Variants in EDIL3 observed in about 807,000 individuals in gnomAD.
The protein encoded by EDIL3 is EGF like and discoidin domains 3, also known as EGF-like repeat and discoidin I-like domain-containing protein 3.
EDIL3 carries 37 observed loss-of-function variants against 67.4 expected under a neutral mutation model. The ratio of observed to expected loss-of-function variants is 0.55; its 90% confidence interval spans 0.42 to 0.72. EDIL3 has a LOEUF of 0.72. Among genes scored for constraint, EDIL3 ranks in the 30% least tolerant of loss-of-function variants. EDIL3 has a pLI of 0.00. For missense variants in EDIL3, 527 were observed against 586.3 expected, an observed-to-expected ratio of 0.90 and a Z score of 1.04; for synonymous variants, 195 against 196.3, an observed-to-expected ratio of 0.99 and a Z score of 0.05.
chr5:84,006,390 T>A (rs865923571), intron 9 of EDIL3, among the ~76,000 whole-genome samples: 1 of 117,498 alleles, frequency 8.5e-6, no homozygotes, highest in Non-Finnish European at 2.1e-5. Context: ...AAACAAAACA[T>A]AACAGAATCA....
chr5:84,097,599 G>A (rs1404271036), intron 6 of EDIL3, among the ~76,000 whole-genome samples: 2 of 152,096 alleles, frequency 1.3e-5, no homozygotes, highest in Non-Finnish European at 2.9e-5. Flanking sequence ...CATCCTGAAA[G>A]TAGGTGTTAT....
At chr5:84,018,398 C>A (rs766416499) in intron 9 of EDIL3, among the ~76,000 whole-genome samples, 7 of 152,142 alleles carry the variant, frequency 4.6e-5, no homozygotes, top group Non-Finnish European at 1.0e-4. Flanking sequence ...CAGATTCACT[C>A]CTTTCACGAC....
At chr5:84,074,193 T>G (rs1184185581) in intron 6 of EDIL3, among the ~76,000 whole-genome samples, 1 of 147,806 alleles carries the variant, frequency 6.8e-6, no homozygotes, top group Non-Finnish European at 1.5e-5. Flanking sequence ...ATACAAAAAT[T>G]AATTCAAGAC....
At chr5:84,111,538 G>A (rs1218046790) in intron 5 of EDIL3, among the ~76,000 whole-genome samples, 1 of 152,168 alleles carries the variant, frequency 6.6e-6, no homozygotes, top group East Asian at 1.9e-4. Context: ...ACTTTTCTAG[G>A]TAGTAGTGAC....
At chr5:83,946,088 T>A (rs1210907597) in intron 10 of EDIL3, among the ~76,000 whole-genome samples, 1 of 151,968 alleles carries the variant, frequency 6.6e-6, no homozygotes, top group Non-Finnish European at 1.5e-5. Flanking sequence ...TATTTTTAGT[T>A]AACTTCATAA....
intron 1 of EDIL3, among the ~76,000 whole-genome samples, chr5:84,284,432 G>A (rs967356283): frequency 1.3e-5 from 2 of 151,894 alleles, no homozygotes; most frequent in Non-Finnish European, 2.9e-5. Context: ...GGTCCCCTGT[G>A]CCTCCAGACC....
intron 1 of EDIL3, among the ~76,000 whole-genome samples, chr5:84,269,108 T>A (rs183292572): frequency 2.9e-4 from 44 of 152,320 alleles, no homozygotes; most frequent in Admixed American, 1.3e-3. Context: ...AAAATTTATA[T>A]ATGATCTCTT....
rs78529501 is a variant in EDIL3 at position 84,064,704 on chromosome 5, C to A, written c.948G>T (p.Leu316=). ...AATAGTTAATTTGAGACTTACCCGA[C>A]AGTTCACAGCCAAGAAGTTCCATTC... ...TLRMELLGCE[L]SGCSEPLGMK... is the part of the protein sequence containing the mutation. The change falls in exon 8 of 11, where the codon CTG becomes CTT. Residue 316 remains leucine (L), a synonymous_variant. Transcript: ENST00000296591. 3.6e-5 allele frequency: 58 copies of A among 1,611,076 alleles called. No homozygotes were observed. The highest frequency in any genetic ancestry group is 4.6e-5 in the Non-Finnish European group (54 of 1,178,444).
rs186849607 is a variant in EDIL3 at position 84,152,482 on chromosome 5, C to T, written c.356-15128G>A. 1.6e-4 allele frequency among the ~76,000 whole-genome samples: 24 copies of T among 152,226 alleles called. No homozygotes were observed. The East Asian group carries it at 4.4e-3, about 28-fold the overall frequency. ...CCTATTCTGTCAGAGAGGAATGGGT[C>T]TTATTAGAAACTGCATTGCTCTGTT... On this transcript the variant is annotated intron_variant, in intron 4 of 10. Transcript: ENST00000296591.
chr5:83,971,265 A>C (rs796925340), intron 9 of EDIL3, among the ~76,000 whole-genome samples: 4 of 151,346 alleles, frequency 2.6e-5, no homozygotes, highest in African/African-American at 9.7e-5. Flanking sequence ...TAAAGAAAAA[A>C]ATATCCTTTT....
chr5:84,055,895 A>G (rs1010235961), intron 9 of EDIL3, among the ~76,000 whole-genome samples: 1 of 152,210 alleles, frequency 6.6e-6, no homozygotes. Context: ...TGTGGAAGTC[A>G]GTGTGGCGAT....
chr5:84,086,046 G>A (rs1332756503), intron 6 of EDIL3, among the ~76,000 whole-genome samples: 1 of 152,200 alleles, frequency 6.6e-6, no homozygotes, highest in Non-Finnish European at 1.5e-5. Flanking sequence ...CATTCAGGCT[G>A]CTGTGCTGGC....
chr5:84,336,606 A>C, intron 1 of EDIL3, among the ~76,000 whole-genome samples: 1 of 152,268 alleles, frequency 6.6e-6, no homozygotes, highest in Non-Finnish European at 1.5e-5. Context: ...TCAGTATTTA[A>C]TAACTATGAC....
At chr5:83,952,006 G>A (rs1333984980) in intron 10 of EDIL3, among the ~76,000 whole-genome samples, 2 of 151,778 alleles carry the variant, frequency 1.3e-5, no homozygotes, top group East Asian at 3.9e-4. Flanking sequence ...CCCGATGAGA[G>A]ACCAAAGGGA....
chr5:84,124,245 A>T (rs1383837254), intron 5 of EDIL3, among the ~76,000 whole-genome samples: 1 of 151,936 alleles, frequency 6.6e-6, no homozygotes, highest in Non-Finnish European at 1.5e-5. Context: ...AACCAGACAC[A>T]AGGGAAGACA....
chr5:84,206,731 A>G (rs1041692708), intron 3 of EDIL3, among the ~76,000 whole-genome samples: 2 of 152,076 alleles, frequency 1.3e-5, no homozygotes, highest in East Asian at 1.9e-4. Context: ...GGGATGCAAG[A>G]CTGGTTCAAT....
intron 1 of EDIL3, among the ~76,000 whole-genome samples, chr5:84,299,644 T>C (rs1746117938): frequency 6.6e-6 from 1 of 152,252 alleles, no homozygotes; most frequent in Admixed American, 6.5e-5. Context: ...TTTGTCCTTT[T>C]CTAAGTAGTC....
intron 6 of EDIL3, among the ~76,000 whole-genome samples, chr5:84,090,730 G>A (rs955918417): frequency 6.6e-6 from 1 of 151,882 alleles, no homozygotes; most frequent in East Asian, 1.9e-4. Context: ...GGTGGATCAC[G>A]AGCTCAAGAG....
At chr5:84,380,886 TTA>T (rs1437321934) in intron 1 of EDIL3, among the ~76,000 whole-genome samples, 1 of 151,990 alleles carries the variant, frequency 6.6e-6, no homozygotes, top group East Asian at 1.9e-4. Context: ...TGCTATAATT[TTA>T]TTAGAAGAAA....
Sources: gnomAD v4.1 joint callset for allele counts (sites outside exome capture counted in the v4.1 genomes callset) on GRCh38, gnomAD v4.1.1 for gene constraint, MANE v1.5 for transcripts, NCBI Gene and HGNC (gene_info 2026-07-23, HGNC 2026-07-21) for gene names.